The following GGTA1 variants were observed in gnomAD, a reference collection of about 807,000 sequenced individuals.
GGTA1 encodes glycoprotein alpha-galactosyltransferase 1 (inactive).
Under a neutral mutation model 2.6 loss-of-function variants are expected in GGTA1, and 5 were observed. The ratio of observed to expected loss-of-function variants is 1.92; its 90% CI spans 1.00 to 4.04. The LOEUF (loss-of-function observed/expected upper bound fraction) is 4.04, where lower values mean the gene tolerates loss of function less well. Among genes scored for constraint, GGTA1 ranks in the 30% most tolerant of loss-of-function variants. GGTA1 has a pLI of 0.00. For synonymous variants in GGTA1, 17 were observed against 5.0 expected (o/e 3.38, Z -3.19); for missense variants, 50 against 16.7 (o/e 2.99, Z -3.47).
chr9:121,461,426 T>G, intron 3 of GGTA1, 109 bp from the exon 4 acceptor site: 1 of 384,702 alleles, frequency 2.6e-6, no homozygotes, highest in South Asian at 2.0e-5. Context: ...ATAAAAAACC[T>G]TAAAATGCCA....
chr9:121,489,360 AG>A (rs1406225126), intron 1 of GGTA1, among the ~76,000 whole-genome samples: 1 of 152,052 alleles, frequency 6.6e-6, no homozygotes, highest in Admixed American at 6.6e-5. Context: ...TACCATGCCC[AG>A]CTAATCCTTT....
At chr9:121,445,424 T>A (rs938067933) in exon 8 of GGTA1, 3 of 152,216 alleles carry the variant, frequency 2.0e-5, no homozygotes, top group Non-Finnish European at 2.9e-5. Context: ...TTTCATTTTA[T>A]CAAAGAAGCT....
intron 1 of GGTA1, among the ~76,000 whole-genome samples, chr9:121,480,061 C>CTTTTCTTTTCTTTTCTTTTTTTTT (rs58602847): frequency 7.2e-6 from 1 of 139,828 alleles, no homozygotes. Context: ...CTTTTCTTTT[C>CTTTTCTTTTCTTTTCTTTTTTTTT]TTTTTTTTTT....
chr9:121,464,075 A>G (rs541737725), intron 2 of GGTA1, among the ~76,000 whole-genome samples: 1 of 151,978 alleles, frequency 6.6e-6, no homozygotes, highest in African/African-American at 2.4e-5. Flanking sequence ...CTCCTCAACA[A>G]CCCTTCTCCT....
rs1365916083 is a variant in GGTA1 at position 121,476,589 on chromosome 9, T to C, written c.-9-8658A>G. On this transcript the variant is annotated intron_variant, in intron 1 of 5. Transcript: ENST00000481799. The surrounding 1 kb of genome is among the most constrained non-coding windows in gnomAD (Gnocchi z 4.6). Reference sequence around the variant, plus strand: ...TTTAGCCACATAGAGCTCACCCTGCTGCAGTGACCTACACGGGCCCCTTGG... The same window carrying C: ...TTTAGCCACATAGAGCTCACCCTGCCGCAGTGACCTACACGGGCCCCTTGG... 6.6e-6 allele frequency among the ~76,000 whole-genome samples: 1 copy of C among 152,124 alleles called. No individual in the cohort carries two copies. The highest frequency in any genetic ancestry group is 1.5e-5 in the Non-Finnish European group (1 of 68,016).
chr9:121,451,306 C>A (rs2064876986), downstream of GGTA1, among the ~76,000 whole-genome samples: 1 of 152,148 alleles, frequency 6.6e-6, no homozygotes. Context: ...CTGCCTCAGC[C>A]TCCCAAGTAG....
At chr9:121,492,662 G>A (rs1271266045) in intron 1 of GGTA1, among the ~76,000 whole-genome samples, 1 of 151,572 alleles carries the variant, frequency 6.6e-6, no homozygotes, top group Non-Finnish European at 1.5e-5. Context: ...TAGTAGAGAC[G>A]GGGATTTCTC....
At chr9:121,492,503 C>T (rs536694275) in intron 1 of GGTA1, among the ~76,000 whole-genome samples, 6 of 151,982 alleles carry the variant, frequency 3.9e-5, no homozygotes, top group South Asian at 2.1e-4. Flanking sequence ...GACGGAGTTT[C>T]GCTCTTGTTA....
At chr9:121,473,319 C>CAAAAAA (rs10712323) in intron 1 of GGTA1, among the ~76,000 whole-genome samples, 11 of 96,386 alleles carry the variant, frequency 1.1e-4, no homozygotes, top group African/African-American at 3.3e-4. Flanking sequence ...GACTCCATCT[C>CAAAAAA]AAAAAAAAAA....
At position 121,463,310 on chromosome 9, in the gene GGTA1, C is replaced by G. The variant is rs1156255969; in HGVS notation, c.99G>C (p.Leu33Phe). ...EFINSTEGSF[L>F]WIYHSKNPEV... ...GCACTTACTTTGAGTGATATATCCACAAGAAAGAGCCTTCTGTGCTAAAAG... is the reference window on the plus strand; with the variant it reads ...GCACTTACTTTGAGTGATATATCCAGAAGAAAGAGCCTTCTGTGCTAAAAG... Residue 33 changes from leucine to phenylalanine, a missense_variant, in exon 3 of 6, where the codon TTG (leucine) becomes TTC (phenylalanine). Physicochemically the swap from Leu to Phe is conservative, Grantham distance 22 (BLOSUM62 0). Coordinates refer to ENST00000481799, the MANE Select transcript of GGTA1 (RefSeq NM_001382585.1). 1 of 452,110 alleles carries G rather than the reference C, an allele frequency of 2.2e-6. No individual in the cohort carries two copies. The allele number at this position is 452,110 out of a possible 1,614,324, so 28.0% of individuals were successfully genotyped here.
At chr9:121,490,028 A>T (rs928529636) in intron 1 of GGTA1, among the ~76,000 whole-genome samples, 9 of 152,224 alleles carry the variant, frequency 5.9e-5, no homozygotes, top group Non-Finnish European at 1.2e-4. Context: ...GTTTCAGTAT[A>T]CTGAGGAGGC....
intron 2 of GGTA1, among the ~76,000 whole-genome samples, chr9:121,464,330 T>TG (rs2064986239): frequency 2.0e-5 from 3 of 146,894 alleles, no homozygotes; most frequent in Admixed American, 1.4e-4. Flanking sequence ...TGAGGTTTTT[T>TG]TTTTTTTTTT....
intron 1 of GGTA1, among the ~76,000 whole-genome samples, chr9:121,475,266 G>A (rs1006931693): frequency 4.6e-5 from 7 of 152,126 alleles, no homozygotes; most frequent in African/African-American, 1.4e-4. Context: ...AAATACCATG[G>A]CAATGTCAGG....
chr9:121,487,407 C>CT (rs1279593445), intron 1 of GGTA1, among the ~76,000 whole-genome samples: 2 of 151,830 alleles, frequency 1.3e-5, no homozygotes, highest in African/African-American at 4.8e-5. Flanking sequence ...GAAACCTTGT[C>CT]TTTACTAAAA....
In GGTA1 at chr9:121,455,715, T is replaced by A; in HGVS notation, c.*122A>T. The stretch of plus-strand genomic sequence containing the variant: ...GAGACCCAGTCCTTCCCCTTGAGAA[T>A]CTCGCAGTCCCAACAGGTGGTCCGC... On this transcript the variant is annotated 3_prime_UTR_variant, in exon 6 of 6. Coordinates refer to ENST00000481799, the MANE Select transcript of GGTA1 (RefSeq NM_001382585.1). 2.7e-6 allele frequency: 1 copy of A among 366,602 alleles called. No individual in the cohort carries two copies. Among genetic ancestry groups the A allele is most frequent in the South Asian group, 2.1e-5 (1 of 48,122 alleles). The allele number at this position is 366,602 out of a possible 1,614,324, so 22.7% of individuals were successfully genotyped here. A position where few individuals can be genotyped will look rare whatever the true frequency, so the allele number is the denominator to read the frequency against.
chr9:121,448,439 CT>C (rs1428647535), intron 7 of GGTA1, among the ~76,000 whole-genome samples: 1 of 152,144 alleles, frequency 6.6e-6, no homozygotes, highest in African/African-American at 2.4e-5. Context: ...CCACTAGTCA[CT>C]TAAAACACCA....
At chr9:121,457,992 C>A (rs530544670) in intron 5 of GGTA1, among the ~76,000 whole-genome samples, 1 of 150,588 alleles carries the variant, frequency 6.6e-6, no homozygotes, top group South Asian at 2.1e-4. Context: ...TCACTGCAAC[C>A]TCTGCCTCCT....
At chr9:121,463,411 C>G in intron 2 of GGTA1, 83 bp from the exon 3 acceptor site, 2 of 421,170 alleles carry the variant, frequency 4.7e-6, no homozygotes, top group Admixed American at 2.9e-5. Flanking sequence ...TCACTGAGCC[C>G]GGGGCTGAGC....
intron 1 of GGTA1, among the ~76,000 whole-genome samples, chr9:121,471,358 A>AT (rs1223423404): frequency 6.6e-6 from 1 of 152,192 alleles, no homozygotes; most frequent in Non-Finnish European, 1.5e-5. Flanking sequence ...GGTGTGTTTT[A>AT]TTCAACCCTG....
Sources: allele counts gnomAD v4.1 joint callset (sites outside exome capture counted in the v4.1 genomes callset), GRCh38; gene constraint gnomAD v4.1.1; non-coding constraint Gnocchi (gnomAD v3.1); transcripts MANE v1.5; gene names NCBI Gene and HGNC (gene_info 2026-07-23, HGNC 2026-07-21).